Variants in TKT observed in about 807,000 individuals in gnomAD.
The protein encoded by TKT is transketolase.
In TKT, 47 loss-of-function variants were observed where a neutral mutation model predicts 63.9. That is an observed-to-expected ratio of 0.74 (90% confidence interval 0.58 to 0.94). The LOEUF (loss-of-function observed/expected upper bound fraction) is 0.94, where lower values mean the gene tolerates loss of function less well. Ranked by LOEUF, TKT falls within the 40% of genes least tolerant of loss-of-function variation. The probability of loss-of-function intolerance (pLI) is 0.00; values close to 1 mark genes in which losing one functional copy is unlikely to be tolerated. For missense variants in TKT, 721 were observed against 846.2 expected, an observed-to-expected ratio of 0.85 and a Z score of 1.84; for synonymous variants, 338 against 334.1, an observed-to-expected ratio of 1.01 and a Z score of -0.13.
intron 6 of TKT, chr3:53,231,986 C>G: frequency 3.8e-6 from 1 of 264,088 alleles, no homozygotes; most frequent in Non-Finnish European, 7.2e-6. Flanking sequence ...GAAGGGGAAC[C>G]CAAGGCCCAG....
intron 12 of TKT, 108 bp from the exon 13 acceptor site, chr3:53,226,986 AG>A: frequency 2.2e-6 from 3 of 1,394,234 alleles, no homozygotes; most frequent in Non-Finnish European, 2.9e-6. Context: ...CTAAGAGCTC[AG>A]CCTGCGGGCC....
In TKT at chr3:53,249,939, AGAG is replaced by A. The variant is rs782067749; in HGVS notation, c.107+5894_107+5896del. On this transcript the variant is annotated intron_variant, in intron 1 of 13. Transcript: ENST00000462138. ...CGACAGTGACAACAAGCCTGCCACA[AGAG>A]ACAATGAATGTTGAGGGGTCAGAGC... is the stretch of plus-strand genomic sequence containing the variant. Among the ~76,000 whole-genome samples, 119 of 152,338 alleles carry A rather than the reference AGAG, an allele frequency of 7.8e-4. 1 individual carries two copies. The highest frequency in any genetic ancestry group is 1.2e-3 in the Admixed American group (19 of 15,296).
intron 10 of TKT, 97 bp downstream of exon 10, chr3:53,228,910 C>A (rs1023594796): frequency 6.5e-7 from 1 of 1,529,978 alleles, no homozygotes; most frequent in Non-Finnish European, 8.8e-7. Context: ...TCAGGAAACA[C>A]CCCCTGGGGC....
At chr3:53,253,147 A>G (rs974883494) in intron 1 of TKT, among the ~76,000 whole-genome samples, 3 of 151,906 alleles carry the variant, frequency 2.0e-5, no homozygotes, top group Non-Finnish European at 4.4e-5. Flanking sequence ...TGGCCGAAAC[A>G]TTATTTATTT....
At chr3:53,237,073 T>C (rs1300399229) in intron 4 of TKT, among the ~76,000 whole-genome samples, 3 of 152,188 alleles carry the variant, frequency 2.0e-5, no homozygotes, top group African/African-American at 7.2e-5. Context: ...TAAAACAGAA[T>C]ATTATGTGAT....
chr3:53,231,254 A>G (rs1704741791), intron 7 of TKT, 103 bp downstream of exon 7: 1 of 1,326,140 alleles, frequency 7.5e-7, no homozygotes, highest in African/African-American at 1.5e-5. Context: ...GCCCTAAATG[A>G]ATCGCTCTCC....
chr3:53,236,820 G>A (rs1478575896), intron 4 of TKT, among the ~76,000 whole-genome samples: 3 of 152,222 alleles, frequency 2.0e-5, no homozygotes, highest in African/African-American at 7.2e-5. Context: ...CTGAGGTCCC[G>A]AGGAGATGCC....
rs138100534 is a variant in TKT at position 53,243,661 on chromosome 3, C to G, written c.108-1419G>C. 4.8e-3 allele frequency: 2,207 copies of G among 455,674 alleles called. 62 individuals carry two copies. The highest frequency in any genetic ancestry group is 0.039 in the Admixed American group (1,650 of 42,522). 28.2% of individuals were successfully genotyped at this position (455,674 alleles called of 1,614,324 possible). On this transcript the variant is annotated intron_variant, in intron 1 of 13. Transcript: ENST00000462138. ...GGGAGGACATGGTAAACGAGAAACC[C>G]TTTTCTGCCTGGCAGGGACCCTAAT...
At chr3:53,238,801 C>T (rs913471287) in intron 4 of TKT, among the ~76,000 whole-genome samples, 14 of 152,338 alleles carry the variant, frequency 9.2e-5, no homozygotes, top group South Asian at 4.1e-4. Context: ...ACCTGTAAGA[C>T]GGGTCACGGT....
chr3:53,241,402 G>T (rs577745473), intron 2 of TKT, among the ~76,000 whole-genome samples, 157 bp from the exon 3 acceptor site: 1 of 152,366 alleles, frequency 6.6e-6, no homozygotes, highest in South Asian at 2.1e-4. Flanking sequence ...TCCCCTTTCA[G>T]CCCTCTTCAG....
chr3:53,239,675 GC>G (rs1705188402), intron 4 of TKT, among the ~76,000 whole-genome samples: 3 of 151,954 alleles, frequency 2.0e-5, no homozygotes, highest in Non-Finnish European at 2.9e-5. Context: ...CACCTGGTGG[GC>G]GCTAGAGCAG....
At chr3:53,232,900 C>T in intron 6 of TKT, 1 of 481,574 alleles carries the variant, frequency 2.1e-6, no homozygotes, top group Non-Finnish European at 3.7e-6. Context: ...CTTCCTCTCA[C>T]CCACAGACCC....
Position 53,234,583 on chromosome 3 carries a change from G to T in TKT, c.629+400C>A, listed in dbSNP as rs1704923568. ...GAGCCTGTTCCTCCTCCCCAGGCTGGGCGGGGCTGGGCACAGGACGTGGCC... is the reference window on the plus strand; with the variant it reads ...GAGCCTGTTCCTCCTCCCCAGGCTGTGCGGGGCTGGGCACAGGACGTGGCC... On this transcript the variant is annotated intron_variant, in intron 5 of 13. Transcript: ENST00000462138. The T allele has an allele frequency of 3.8e-5, 6 of 157,340 alleles. No homozygotes were observed. The South Asian group carries it at 1.2e-3, about 31-fold the overall frequency. The allele number at this position is 157,340 out of a possible 1,614,324, so 9.7% of individuals were successfully genotyped here.
intron 6 of TKT, chr3:53,232,544 A>G: frequency 2.5e-6 from 1 of 398,660 alleles, no homozygotes; most frequent in Non-Finnish European, 4.4e-6. Flanking sequence ...TTGTAGTCTC[A>G]TTTTCCCATC....
chr3:53,252,733 C>G (rs564109943), intron 1 of TKT, among the ~76,000 whole-genome samples: 2 of 152,316 alleles, frequency 1.3e-5, no homozygotes, highest in South Asian at 4.1e-4. Context: ...TCTTATTTCT[C>G]TCCAAGTGCC....
At chr3:53,239,496 A>G (rs1421559794) in intron 4 of TKT, among the ~76,000 whole-genome samples, 1 of 151,878 alleles carries the variant, frequency 6.6e-6, no homozygotes, top group Non-Finnish European at 1.5e-5. Context: ...TTTTGTAGAG[A>G]GAGTCTTGCT....
chr3:53,250,036 T>C (rs1422428661), intron 1 of TKT, among the ~76,000 whole-genome samples: 1 of 152,190 alleles, frequency 6.6e-6, no homozygotes, highest in Non-Finnish European at 1.5e-5. Flanking sequence ...AGATCCTAAC[T>C]AGGTGCTGTA....
At chr3:53,236,243 C>A (rs1389968847) in intron 4 of TKT, among the ~76,000 whole-genome samples, 3 of 152,238 alleles carry the variant, frequency 2.0e-5, no homozygotes, top group African/African-American at 7.2e-5. Context: ...AGGCCCTCAA[C>A]CCGGCTGCAT....
chr3:53,241,065 C>T (rs1407652735), intron 3 of TKT, 67 bp downstream of exon 3: 24 of 1,367,630 alleles, frequency 1.8e-5, no homozygotes, highest in Middle Eastern at 3.7e-4. Context: ...CCCCTACCCC[C>T]GTCCCACATG....
Sources: allele counts gnomAD v4.1 joint callset (sites outside exome capture counted in the v4.1 genomes callset), GRCh38; gene constraint gnomAD v4.1.1; transcripts MANE v1.5; gene names NCBI Gene and HGNC (gene_info 2026-07-23, HGNC 2026-07-21).